Variants in SYNPR observed in about 807,000 individuals in gnomAD.
SYNPR encodes the protein synaptoporin.
In SYNPR, 23 loss-of-function variants were observed where a neutral mutation model predicts 32.9. That is an observed-to-expected ratio of 0.70 (90% CI 0.50 to 0.99). The LOEUF (loss-of-function observed/expected upper bound fraction) is 0.99, where lower values mean the gene tolerates loss of function less well. Ranked by LOEUF, SYNPR falls within the 50% of genes least tolerant of loss-of-function variation. The pLI is 0.00. For missense variants in SYNPR, 318 were observed against 349.3 expected (o/e 0.91, Z 0.71); for synonymous variants, 146 against 135.9 (o/e 1.07, Z -0.52).
intron 2 of SYNPR, among the ~76,000 whole-genome samples, chr3:63,265,987 G>A (rs187974265): frequency 1.3e-4 from 20 of 152,320 alleles, no homozygotes; most frequent in Non-Finnish European, 2.6e-4. Flanking sequence ...AGCAGGAAGA[G>A]TATTAAACAT....
chr3:63,211,210 G>T, the SYNPR span, among the ~76,000 whole-genome samples: 2 of 152,118 alleles, frequency 1.3e-5, no homozygotes, highest in African/African-American at 4.8e-5. Context: ...AGGGATTACA[G>T]GCACCCGCCA....
At chr3:63,540,705 C>A (rs1702281682) in intron 3 of SYNPR, among the ~76,000 whole-genome samples, 2 of 151,912 alleles carry the variant, frequency 1.3e-5, no homozygotes, top group African/African-American at 4.8e-5. Context: ...GTTCACTAGA[C>A]AAATATGTAT....
At chr3:63,227,970 G>C (rs1012219816), upstream of SYNPR, among the ~76,000 whole-genome samples, 11 of 152,146 alleles carry the variant, frequency 7.2e-5, no homozygotes, top group Non-Finnish European at 4.4e-5. Context: ...TCTGCCACAG[G>C]CCAGGGTATG....
chr3:63,529,397 G>C lies in SYNPR; in HGVS notation c.210-27146G>C, dbSNP rs7643013. ...TTTCTAAATTGGGGTGGGTGTTTCTGAATATCTTCAATTTGTAGTTGGTTG... is the reference window on the plus strand; with the variant it reads ...TTTCTAAATTGGGGTGGGTGTTTCTCAATATCTTCAATTTGTAGTTGGTTG... On this transcript the variant is annotated intron_variant, in intron 3 of 5. Transcript: ENST00000478300. 9.1e-3 allele frequency among the ~76,000 whole-genome samples: 1,384 copies of C among 152,292 alleles called. 22 individuals carry two copies. The highest frequency in any genetic ancestry group is 0.031 in the African/African-American group (1,291 of 41,556).
At chr3:63,301,969 A>G (rs943372585) in intron 2 of SYNPR, among the ~76,000 whole-genome samples, 1 of 152,074 alleles carries the variant, frequency 6.6e-6, no homozygotes, top group African/African-American at 2.4e-5. Context: ...CACCTCTGCA[A>G]TTCCATTACC....
intron 5 of SYNPR, among the ~76,000 whole-genome samples, chr3:63,612,361 T>A (rs1700211723): frequency 6.6e-6 from 1 of 152,200 alleles, no homozygotes; most frequent in South Asian, 2.1e-4. Flanking sequence ...AGAAATAATG[T>A]TTTTAGTCTC....
chr3:63,506,687 A>G (rs1701595454), intron 3 of SYNPR, among the ~76,000 whole-genome samples: 1 of 152,232 alleles, frequency 6.6e-6, no homozygotes, highest in Non-Finnish European at 1.5e-5. Flanking sequence ...TTAACGTCAC[A>G]CAATTAGTTT....
intron 2 of SYNPR, among the ~76,000 whole-genome samples, chr3:63,307,500 T>C (rs146304553): frequency 2.0e-5 from 3 of 152,160 alleles, no homozygotes; most frequent in South Asian, 2.1e-4. Flanking sequence ...TATTTTAGCA[T>C]TGACTGACAT....
At chr3:63,592,082 G>GA (rs1699841267) in intron 4 of SYNPR, among the ~76,000 whole-genome samples, 1 of 151,902 alleles carries the variant, frequency 6.6e-6, no homozygotes, top group African/African-American at 2.4e-5. Flanking sequence ...GTCCATAAGA[G>GA]AAAAGAAGAG....
chr3:63,231,774 A>T (rs146579628), intron 1 of SYNPR, among the ~76,000 whole-genome samples: 30 of 152,352 alleles, frequency 2.0e-4, no homozygotes, highest in Non-Finnish European at 3.8e-4. Context: ...CCATTCAGTG[A>T]AACAAATGCC....
rs1435600455 is a variant in SYNPR at position 63,616,868 on chromosome 3, T to C, written c.*1387T>C. ...TCTGTAACCAGTTTCTGAATCCCGTTGGATAAAACTGTATTGTGATATCTA... is the reference window on the plus strand; with the variant it reads ...TCTGTAACCAGTTTCTGAATCCCGTCGGATAAAACTGTATTGTGATATCTA... On this transcript the variant is annotated 3_prime_UTR_variant, in exon 6 of 6. Coordinates refer to ENST00000478300, the MANE Select transcript of SYNPR (RefSeq NM_001130003.2). The C allele has an allele frequency of 6.6e-6, 1 of 152,262 alleles. No homozygotes were observed. The highest frequency in any genetic ancestry group is 6.5e-5 in the Admixed American group (1 of 15,288). The allele number at this position is 152,262 out of a possible 1,614,324, so 9.4% of individuals were successfully genotyped here.
In SYNPR at chr3:63,312,197, C is replaced by A. The variant is rs1426677898; in HGVS notation, c.84+33455C>A. ...CAACCCTTAAGTAGCTACTGTTTGA[C>A]ATGTTGTTGAATTTTCTTCTAGACA... On this transcript the variant is annotated intron_variant, in intron 2 of 5. Transcript: ENST00000478300. Among the ~76,000 whole-genome samples, 7 of 152,030 alleles carry A rather than the reference C, an allele frequency of 4.6e-5. 1 individual carries two copies. The South Asian group carries it at 1.4e-3, about 31-fold the overall frequency.
At position 63,435,522 on chromosome 3, in the gene SYNPR, G is replaced by C. The variant is rs1700068262; in HGVS notation, c.85-45310G>C. On this transcript the variant is annotated intron_variant, in intron 2 of 5. Transcript: ENST00000478300. The stretch of plus-strand genomic sequence containing the variant: ...GTCATGTTCAGAAACCTGGGATACA[G>C]AGAAAACAGTGGAGTGGGCTGGTTG... Among the ~76,000 whole-genome samples the C allele has an allele frequency of 2.0e-5, 3 of 152,206 alleles. 1 individual carries two copies. The South Asian group carries it at 6.2e-4, about 31-fold the overall frequency.
intron 2 of SYNPR, among the ~76,000 whole-genome samples, chr3:63,453,444 A>T (rs17068603): frequency 0.011 from 1,683 of 152,266 alleles, 34 homozygotes; most frequent in African/African-American, 0.039. Context: ...GATTAAAAGT[A>T]GACCTGTCAG....
At chr3:63,256,731 C>T (rs756170570) in intron 2 of SYNPR, among the ~76,000 whole-genome samples, 11 of 152,106 alleles carry the variant, frequency 7.2e-5, no homozygotes, top group Non-Finnish European at 1.3e-4. Flanking sequence ...ATGACTTTGA[C>T]GAGTTGAGAG....
At chr3:63,443,189 T>G (rs1700212340) in intron 2 of SYNPR, 8 of 1,287,986 alleles carry the variant, frequency 6.2e-6, no homozygotes, top group Non-Finnish European at 7.9e-6. Flanking sequence ...AGTATCAGGT[T>G]CCTGTACTCA....
chr3:63,205,558 C>A, the SYNPR span, among the ~76,000 whole-genome samples: 1 of 152,222 alleles, frequency 6.6e-6, no homozygotes, highest in Non-Finnish European at 1.5e-5. Context: ...AGTTGGCTCT[C>A]GCCAAACAAT....
chr3:63,584,631 G>T (rs183254075), intron 4 of SYNPR, among the ~76,000 whole-genome samples: 1 of 152,058 alleles, frequency 6.6e-6, no homozygotes, highest in African/African-American at 2.4e-5. Context: ...GGTTGAAATC[G>T]GGTCCGTGGG....
chr3:63,272,000 T>C (rs775737672), intron 3 of SYNPR, among the ~76,000 whole-genome samples: 1 of 152,064 alleles, frequency 6.6e-6, no homozygotes, highest in East Asian at 1.9e-4. Flanking sequence ...AAGTAAGAAA[T>C]GAGAATTTTG....
Sources: allele counts gnomAD v4.1 joint callset (sites outside exome capture counted in the v4.1 genomes callset), GRCh38; gene constraint gnomAD v4.1.1; transcripts MANE v1.5; gene names NCBI Gene and HGNC (gene_info 2026-07-23, HGNC 2026-07-21).